Variants in RASAL2 observed in about 807,000 individuals in gnomAD.
The protein encoded by RASAL2 is ras GTPase-activating protein nGAP.
In RASAL2, 58 loss-of-function variants were observed where a neutral mutation model predicts 128.9. The observed-to-expected ratio is 0.45, with a 90% confidence interval of 0.36 to 0.56. The LOEUF is 0.56. Among genes scored for constraint, RASAL2 ranks in the 20% least tolerant of loss-of-function variants. The pLI is 0.00. For synonymous variants in RASAL2, 561 were observed against 580.8 expected (o/e 0.97, Z 0.49); for missense variants, 1,360 against 1,601.6 (o/e 0.85, Z 2.57).
intron 6 of RASAL2, among the ~76,000 whole-genome samples, chr1:178,440,620 T>C (rs140312463): frequency 1.3e-5 from 2 of 152,252 alleles, no homozygotes; most frequent in African/African-American, 4.8e-5. Context: ...AAGACATTTA[T>C]TGGTGTTCTT....
intron 1 of RASAL2, among the ~76,000 whole-genome samples, chr1:178,111,648 A>G (rs955930173): frequency 3.9e-5 from 6 of 152,184 alleles, no homozygotes; most frequent in Admixed American, 2.0e-4. Flanking sequence ...AATTTATTCA[A>G]TGACTAATAA....
chr1:178,450,680 A>G (rs1216782421), intron 9 of RASAL2, among the ~76,000 whole-genome samples: 1 of 152,172 alleles, frequency 6.6e-6, no homozygotes, highest in Non-Finnish European at 1.5e-5. Flanking sequence ...GATCTTTGAA[A>G]GATCCACTCC....
At chr1:178,419,078 G>A (rs1409861666) in intron 4 of RASAL2, among the ~76,000 whole-genome samples, 1 of 152,020 alleles carries the variant, frequency 6.6e-6, no homozygotes, top group Non-Finnish European at 1.5e-5. Context: ...CCAAAACAGT[G>A]GGCTTTGGTA....
At chr1:178,150,261 C>G (rs1320090590) in intron 1 of RASAL2, among the ~76,000 whole-genome samples, 1 of 152,124 alleles carries the variant, frequency 6.6e-6, no homozygotes, top group Non-Finnish European at 1.5e-5. Flanking sequence ...GCAGCATGAT[C>G]TCGGTGCACC....
intron 1 of RASAL2, among the ~76,000 whole-genome samples, chr1:178,096,419 T>A (rs1658685501): frequency 6.6e-6 from 1 of 152,052 alleles, no homozygotes; most frequent in African/African-American, 2.4e-5. Context: ...TGTTGTTTTG[T>A]AGTCCATTCC....
chr1:178,164,494 T>TGTGTGTGTGTGTGC (rs1661446730), intron 1 of RASAL2, among the ~76,000 whole-genome samples: 1 of 144,286 alleles, frequency 6.9e-6, no homozygotes. Context: ...TGTGTGTGTG[T>TGTGTGTGTGTGTGC]GTGTGTGTGT....
At chr1:178,174,120 G>C (rs1315652239) in intron 1 of RASAL2, among the ~76,000 whole-genome samples, 1 of 151,760 alleles carries the variant, frequency 6.6e-6, no homozygotes, top group Non-Finnish European at 1.5e-5. Context: ...AAGAAATTTT[G>C]TCCCCTAATA....
chr1:178,141,191 T>A (rs1660515901), intron 1 of RASAL2, among the ~76,000 whole-genome samples: 2 of 125,080 alleles, frequency 1.6e-5, no homozygotes, highest in African/African-American at 5.8e-5. Context: ...TTCTTTTCTT[T>A]TCTTTTTTTT....
At chr1:178,151,981 T>C (rs567259976) in intron 1 of RASAL2, among the ~76,000 whole-genome samples, 1 of 152,322 alleles carries the variant, frequency 6.6e-6, no homozygotes, top group East Asian at 1.9e-4. Context: ...CTTGAACTCA[T>C]GGAGTTTCCT....
intron 9 of RASAL2, among the ~76,000 whole-genome samples, chr1:178,450,411 A>G (rs553153581): frequency 6.6e-6 from 1 of 152,194 alleles, no homozygotes; most frequent in Non-Finnish European, 1.5e-5. Flanking sequence ...CAATGCCTTT[A>G]ATTTTTCTGT....
chr1:178,144,277 T>C (rs898774984), intron 1 of RASAL2, among the ~76,000 whole-genome samples: 54 of 152,198 alleles, frequency 3.5e-4, no homozygotes, highest in African/African-American at 1.1e-3. Flanking sequence ...ATTTTTCTTC[T>C]ACCCCTTTGG....
At position 178,452,337 on chromosome 1, in the gene RASAL2, A is replaced by G. The variant is rs2102886934; in HGVS notation, c.1773-79A>G. 1.6e-5 allele frequency: 20 copies of G among 1,235,306 alleles called. 2 individuals carry two copies. In the South Asian group the frequency reaches 2.5e-4, roughly 15 times the overall value. The allele number at this position is 1,235,306 out of a possible 1,614,324, so 76.5% of individuals were successfully genotyped here. ...CAGCCTGACTCTTAAGCAAAAGTATATTGGGTCAGGGTGGAATCACTTGTG... is the reference window on the plus strand; with the variant it reads ...CAGCCTGACTCTTAAGCAAAAGTATGTTGGGTCAGGGTGGAATCACTTGTG... On this transcript the variant is annotated intron_variant, in intron 10 of 17. Transcript: ENST00000367649.
At chr1:178,270,279 A>G (rs1175165488) in intron 1 of RASAL2, among the ~76,000 whole-genome samples, 1 of 152,094 alleles carries the variant, frequency 6.6e-6, no homozygotes, top group East Asian at 1.9e-4. Flanking sequence ...GAGAAATTTC[A>G]CAAATGATTT....
At chr1:178,097,713 C>G in intron 1 of RASAL2, among the ~76,000 whole-genome samples, 1 of 152,106 alleles carries the variant, frequency 6.6e-6, no homozygotes, top group East Asian at 1.9e-4. Flanking sequence ...CAAACAACAA[C>G]AGAAGTAACC....
At chr1:178,136,112 G>T (rs1310035455) in intron 1 of RASAL2, among the ~76,000 whole-genome samples, 1 of 152,146 alleles carries the variant, frequency 6.6e-6, no homozygotes, top group African/African-American at 2.4e-5. Context: ...TAATATAAAA[G>T]AAATAAAGAT....
At chr1:178,401,955 A>G (rs1673655213) in intron 4 of RASAL2, among the ~76,000 whole-genome samples, 1 of 152,220 alleles carries the variant, frequency 6.6e-6, no homozygotes, top group East Asian at 1.9e-4. Flanking sequence ...TACCTAGAAT[A>G]GGCAAAGGAA....
Position 178,382,573 on chromosome 1 carries a change from C to T in RASAL2, c.458-7527C>T, listed in dbSNP as rs1326529506. ...CAAACTGCATGGATTCTAATCCTGC[C>T]CCCACCCTTTTTACCAGCTGTGCAA... On this transcript the variant is annotated intron_variant, in intron 3 of 17. Transcript: ENST00000367649. Among the ~76,000 whole-genome samples the T allele has an allele frequency of 3.3e-5, 5 of 151,792 alleles. No homozygotes were observed. The East Asian group carries it at 9.7e-4, about 30-fold the overall frequency.
chr1:178,265,512 A>C (rs1025066495), intron 1 of RASAL2, among the ~76,000 whole-genome samples: 4 of 152,146 alleles, frequency 2.6e-5, no homozygotes, highest in Admixed American at 2.6e-4. Context: ...TCTCATTTGA[A>C]CCTCAAAAAA....
chr1:178,361,340 C>T (rs1015507547), intron 3 of RASAL2, among the ~76,000 whole-genome samples: 23 of 151,766 alleles, frequency 1.5e-4, no homozygotes, highest in African/African-American at 5.1e-4. Flanking sequence ...TGTAACAATC[C>T]AGGTGATAAA....
Sources: gnomAD v4.1 joint callset for allele counts (sites outside exome capture counted in the v4.1 genomes callset) on GRCh38, gnomAD v4.1.1 for gene constraint, MANE v1.5 for transcripts, NCBI Gene and HGNC (gene_info 2026-07-23, HGNC 2026-07-21) for gene names.